Variants in SPDYE10 observed in about 807,000 individuals in gnomAD.
SPDYE10 encodes speedy/RINGO cell cycle regulator family member E10.
At chr7:73,123,505 C>T in the SPDYE10 span, among the ~76,000 whole-genome samples, 3 of 152,326 alleles carry the variant, frequency 2.0e-5, no homozygotes, top group East Asian at 3.9e-4. Flanking sequence ...TTGCTCTTGT[C>T]GCCCAAGCTG....
chr7:73,154,756 C>T, the SPDYE10 span, among the ~76,000 whole-genome samples: 1 of 151,000 alleles, frequency 6.6e-6, no homozygotes, highest in Non-Finnish European at 1.5e-5. Flanking sequence ...TCCTGCATTT[C>T]CCGTGCACCG....
chr7:73,121,426 C>CT, the SPDYE10 span, among the ~76,000 whole-genome samples: 106 of 3,232 alleles, frequency 0.033, 1 homozygote, highest in East Asian at 0.15. Flanking sequence ...CCATGCCTGG[C>CT]TTTTTTTTTT....
the SPDYE10 span, among the ~76,000 whole-genome samples, chr7:73,123,760 T>C: frequency 6.6e-6 from 1 of 150,602 alleles, no homozygotes; most frequent in Non-Finnish European, 1.5e-5. Context: ...GCCTGGCCAT[T>C]TCCTTTCTCT....
chr7:73,140,722 GC>G, the SPDYE10 span, among the ~76,000 whole-genome samples: 2 of 92,548 alleles, frequency 2.2e-5, no homozygotes, highest in Non-Finnish European at 4.5e-5. Context: ...CAGGGTACAA[GC>G]CATTCTCCCG....
chr7:73,123,632 G>A, the SPDYE10 span, among the ~76,000 whole-genome samples: 2 of 152,072 alleles, frequency 1.3e-5, no homozygotes, highest in African/African-American at 4.8e-5. Context: ...CTAATTTTAT[G>A]TTTTTAGTAG....
chr7:73,132,674 C>G, the SPDYE10 span, among the ~76,000 whole-genome samples: 2 of 151,360 alleles, frequency 1.3e-5, no homozygotes, highest in African/African-American at 2.4e-5. Flanking sequence ...CTTACCCACT[C>G]ACTCTGTTTG....
the SPDYE10 span, among the ~76,000 whole-genome samples, chr7:73,130,237 T>G: frequency 9.9e-5 from 15 of 150,826 alleles, no homozygotes; most frequent in Non-Finnish European, 1.5e-4. Context: ...GCAGATTGCT[T>G]GAGCCCAAGA....
chr7:73,123,687 A>G, the SPDYE10 span, among the ~76,000 whole-genome samples: 203 of 147,944 alleles, frequency 1.4e-3, no homozygotes, highest in African/African-American at 2.0e-3. Flanking sequence ...TGAACTCCTG[A>G]CCTCAAGTGA....
chr7:73,114,534 A>AT, the SPDYE10 span, among the ~76,000 whole-genome samples: 1,398 of 134,456 alleles, frequency 0.01, 4 homozygotes, highest in African/African-American at 0.019. Flanking sequence ...TTTAAGCCCT[A>AT]TTTTTTTTTT....
chr7:73,155,288 A>G, the SPDYE10 span: 1 of 419,740 alleles, frequency 2.4e-6, no homozygotes, highest in Non-Finnish European at 4.2e-6. Context: ...CAAGGAGAGT[A>G]TCCCGCTGTT....
At chr7:73,147,121 G>T in the SPDYE10 span, among the ~76,000 whole-genome samples, 1 of 141,180 alleles carries the variant, frequency 7.1e-6, no homozygotes, top group African/African-American at 2.7e-5. Context: ...AATCAGGGCA[G>T]TTGGTCAACC....
chr7:73,137,645 G>C, the SPDYE10 span, among the ~76,000 whole-genome samples: 1 of 114,690 alleles, frequency 8.7e-6, no homozygotes, highest in Non-Finnish European at 1.8e-5. Context: ...AAAGAAAGGA[G>C]AAAGAAAGAA....
chr7:73,142,909 G>A, the SPDYE10 span, among the ~76,000 whole-genome samples: 1 of 146,072 alleles, frequency 6.8e-6, no homozygotes, highest in Non-Finnish European at 1.5e-5. Flanking sequence ...CTCCAGCCTG[G>A]GCAACAGAGC....
the SPDYE10 span, among the ~76,000 whole-genome samples, chr7:73,115,086 G>C: frequency 4.6e-5 from 7 of 151,770 alleles, no homozygotes; most frequent in South Asian, 1.0e-3. Flanking sequence ...TGTAGAGATG[G>C]GGTTTCACCA....
the SPDYE10 span, among the ~76,000 whole-genome samples, chr7:73,114,847 AGCTT>A: frequency 6.9e-6 from 1 of 145,598 alleles, no homozygotes; most frequent in East Asian, 2.0e-4. Flanking sequence ...CTAGATTTTT[AGCTT>A]GATGAAAATC....
the SPDYE10 span, among the ~76,000 whole-genome samples, chr7:73,143,004 A>G: frequency 7.0e-6 from 1 of 143,230 alleles, no homozygotes; most frequent in Admixed American, 7.0e-5. Flanking sequence ...GGAAGGAAGG[A>G]AGGAAGGAAG....
At chr7:73,113,082 GT>G in the SPDYE10 span, among the ~76,000 whole-genome samples, 1 of 4,320 alleles carries the variant, frequency 2.3e-4, no homozygotes, top group Non-Finnish European at 4.2e-4. Context: ...TATATATCAA[GT>G]TTTGTATCAT....
At chr7:73,144,009 T>A in the SPDYE10 span, among the ~76,000 whole-genome samples, 1 of 151,452 alleles carries the variant, frequency 6.6e-6, no homozygotes, top group Non-Finnish European at 1.5e-5. Flanking sequence ...TTTTTGTATT[T>A]TTAGTAGAGA....
At chr7:73,123,788 C>CTCTCTCTCT in the SPDYE10 span, among the ~76,000 whole-genome samples, 112 of 97,474 alleles carry the variant, frequency 1.1e-3, no homozygotes, top group Non-Finnish European at 1.3e-3. Context: ...TCTCTCTCTC[C>CTCTCTCTCT]CTCTCTCTCT....
Sources: allele counts gnomAD v4.1 joint callset (sites outside exome capture counted in the v4.1 genomes callset), GRCh38; gene constraint gnomAD v4.1.1; transcripts MANE v1.5; gene names NCBI Gene and HGNC (gene_info 2026-07-23, HGNC 2026-07-21).